The following CSMD1 variants were observed in gnomAD, a reference collection of about 807,000 sequenced individuals.
CSMD1 encodes CUB and Sushi multiple domains 1, also known as CUB and sushi domain-containing protein 1.
A neutral mutation model predicts 417.5 loss-of-function variants in CSMD1; 213 were observed. That is an observed-to-expected ratio of 0.51 (90% CI 0.46 to 0.57). CSMD1 has a LOEUF of 0.57. Ranked by LOEUF, CSMD1 falls within the 20% of genes least tolerant of loss-of-function variation. The probability of loss-of-function intolerance (pLI) is 0.00; values close to 1 mark genes in which losing one functional copy is unlikely to be tolerated. For missense variants in CSMD1, 6,923 were observed against 4,529.7 expected (o/e 1.53, Z -15.17); for synonymous variants, 2,862 against 1,736.8 (o/e 1.65, Z -16.11).
chr8:4,020,143 G>T (rs564912968), intron 4 of CSMD1, among the ~76,000 whole-genome samples: 4 of 152,016 alleles, frequency 2.6e-5, no homozygotes, highest in South Asian at 2.1e-4. Context: ...TTTTACCTGG[G>T]TTATGCCATT....
intron 3 of CSMD1, among the ~76,000 whole-genome samples, chr8:4,040,199 A>G (rs1585186365): frequency 6.6e-6 from 1 of 152,164 alleles, no homozygotes; most frequent in Non-Finnish European, 1.5e-5. Context: ...GGAGAAGGAC[A>G]TCGTAGTTTT....
At chr8:3,056,235 T>C (rs1812209620) in intron 49 of CSMD1, among the ~76,000 whole-genome samples, 1 of 152,230 alleles carries the variant, frequency 6.6e-6, no homozygotes, top group Admixed American at 6.5e-5. Flanking sequence ...TTCAAAAAAG[T>C]AAGTAGAAGA....
chr8:3,269,256 C>T (rs1289156698), intron 26 of CSMD1, among the ~76,000 whole-genome samples: 1 of 152,212 alleles, frequency 6.6e-6, no homozygotes, highest in Non-Finnish European at 1.5e-5. Context: ...CCTAAGTGGT[C>T]AATCATAAAA....
intron 5 of CSMD1, among the ~76,000 whole-genome samples, chr8:3,803,044 G>A (rs1321601940): frequency 6.6e-6 from 1 of 152,118 alleles, no homozygotes; most frequent in Non-Finnish European, 1.5e-5. Context: ...AAAAAAATGC[G>A]GAAGATGAAT....
At chr8:4,500,644 G>T (rs1399830236) in intron 2 of CSMD1, among the ~76,000 whole-genome samples, 1 of 152,158 alleles carries the variant, frequency 6.6e-6, no homozygotes, top group Non-Finnish European at 1.5e-5. Flanking sequence ...GGACGAAAGT[G>T]AGAGGTGTTA....
At chr8:3,770,390 A>G (rs1798503554) in intron 5 of CSMD1, among the ~76,000 whole-genome samples, 1 of 152,106 alleles carries the variant, frequency 6.6e-6, no homozygotes. Flanking sequence ...TTAGCCAGGC[A>G]CGGTGGTGCG....
chr8:4,264,661 C>A (rs968866329), intron 3 of CSMD1, among the ~76,000 whole-genome samples: 1 of 152,176 alleles, frequency 6.6e-6, no homozygotes, highest in African/African-American at 2.4e-5. Context: ...CAGCCATATT[C>A]ACCGAGGTGG....
At chr8:3,311,790 T>C (rs1437644419) in intron 23 of CSMD1, among the ~76,000 whole-genome samples, 1 of 149,250 alleles carries the variant, frequency 6.7e-6, no homozygotes, top group African/African-American at 2.4e-5. Context: ...TTATCAATCA[T>C]AAGAGATTTT....
Position 4,523,034 on chromosome 8 carries a change from G to T in CSMD1, c.303-102969C>A, listed in dbSNP as rs926656480. 2.0e-5 allele frequency among the ~76,000 whole-genome samples: 3 copies of T among 152,136 alleles called. No homozygotes were observed. In the South Asian group the frequency reaches 6.2e-4, roughly 32 times the overall value. On this transcript the variant is annotated intron_variant, in intron 2 of 69. Transcript: ENST00000635120. ...GCTTGTGTTAATGACAAAATGAGCA[G>T]GTTTTCATAAGCTCTGCAGAGCTGC... is the stretch of plus-strand genomic sequence containing the variant.
intron 52 of CSMD1, among the ~76,000 whole-genome samples, chr8:3,001,865 A>G (rs1807433139): frequency 6.6e-6 from 1 of 152,220 alleles, no homozygotes; most frequent in Non-Finnish European, 1.5e-5. Context: ...AATTGTTGTC[A>G]TACTCCTTTG....
intron 26 of CSMD1, chr8:3,279,123 G>T (rs572640234): frequency 6.6e-6 from 1 of 152,184 alleles, no homozygotes; most frequent in Non-Finnish European, 1.5e-5. Context: ...GACTGGCTTT[G>T]GGGTGGTCAG....
At chr8:3,576,158 G>C (rs1800142123) in intron 9 of CSMD1, among the ~76,000 whole-genome samples, 1 of 151,884 alleles carries the variant, frequency 6.6e-6, no homozygotes, top group Admixed American at 6.6e-5. Flanking sequence ...AGCACAACAG[G>C]ACTTGTGACT....
intron 1 of CSMD1, among the ~76,000 whole-genome samples, chr8:4,805,010 T>C (rs990534230): frequency 6.6e-6 from 1 of 152,178 alleles, no homozygotes; most frequent in Non-Finnish European, 1.5e-5. Flanking sequence ...TTAAATCTAG[T>C]AGAAGGTAGA....
chr8:3,678,355 G>A (rs555713925), intron 7 of CSMD1, among the ~76,000 whole-genome samples: 1 of 152,306 alleles, frequency 6.6e-6, no homozygotes, highest in South Asian at 2.1e-4. Context: ...ACCTGATGGA[G>A]CTGAAAACCA....
At chr8:3,771,920 C>T (rs1471858932) in intron 5 of CSMD1, among the ~76,000 whole-genome samples, 1 of 151,904 alleles carries the variant, frequency 6.6e-6, no homozygotes, top group Non-Finnish European at 1.5e-5. Context: ...GAAAAATAGC[C>T]CACAGGCAAC....
At chr8:3,927,958 G>A (rs996572819) in intron 5 of CSMD1, among the ~76,000 whole-genome samples, 2 of 152,002 alleles carry the variant, frequency 1.3e-5, no homozygotes, top group Admixed American at 1.3e-4. Context: ...AATTTCTTAA[G>A]TTCATTTAAC....
chr8:4,236,861 G>C (rs559296719), intron 3 of CSMD1, among the ~76,000 whole-genome samples: 5 of 152,192 alleles, frequency 3.3e-5, no homozygotes, highest in African/African-American at 4.8e-5. Flanking sequence ...TGGAACAGAA[G>C]CATCAGTGAC....
At chr8:3,098,547 T>G (rs1269066765) in intron 46 of CSMD1, among the ~76,000 whole-genome samples, 2 of 152,202 alleles carry the variant, frequency 1.3e-5, no homozygotes, top group Non-Finnish European at 2.9e-5. Flanking sequence ...CTTACAATGA[T>G]AAATTAATGG....
intron 37 of CSMD1, among the ~76,000 whole-genome samples, chr8:3,176,756 T>C (rs1206154250): frequency 6.6e-6 from 1 of 150,384 alleles, no homozygotes; most frequent in East Asian, 2.0e-4. Context: ...TCATTTCCTT[T>C]TCTTTCTTTC....
Sources: allele counts gnomAD v4.1 joint callset (sites outside exome capture counted in the v4.1 genomes callset), GRCh38; gene constraint gnomAD v4.1.1; transcripts MANE v1.5; gene names NCBI Gene and HGNC (gene_info 2026-07-23, HGNC 2026-07-21).